The following HIVEP1 variants were observed in gnomAD, a reference collection of about 807,000 sequenced individuals.
HIVEP1 encodes the protein HIVEP zinc finger 1.
Under a neutral mutation model 180.0 loss-of-function variants are expected in HIVEP1, and 36 were observed. That is an observed-to-expected ratio of 0.20 (90% confidence interval 0.15 to 0.26). HIVEP1 has a LOEUF of 0.26. Ranked by LOEUF, HIVEP1 falls within the 10% of genes least tolerant of loss-of-function variation. The pLI is 1.00. For missense variants in HIVEP1, 3,143 were observed against 3,268.7 expected (o/e 0.96, Z 0.94); for synonymous variants, 1,239 against 1,239.0 (o/e 1.00, Z 0.00).
intron 2 of HIVEP1, among the ~76,000 whole-genome samples, chr6:12,019,209 G>A (rs1461357550): frequency 1.3e-5 from 2 of 152,136 alleles, no homozygotes; most frequent in Non-Finnish European, 1.5e-5. Context: ...AGCGGGGGAC[G>A]GGAGTGAAGC....
chr6:12,111,993 A>T (rs1184231009), intron 3 of HIVEP1, among the ~76,000 whole-genome samples: 3 of 152,192 alleles, frequency 2.0e-5, no homozygotes, highest in Non-Finnish European at 4.4e-5. Flanking sequence ...TAAAATTCTT[A>T]AAGTTCTTTT....
chr6:12,135,758 A>T, intron 6 of HIVEP1, 33 bp from the exon 7 acceptor site: 1 of 1,375,764 alleles, frequency 7.3e-7, no homozygotes, highest in Non-Finnish European at 1.0e-6. Context: ...AAATCATACT[A>T]CTTAAGCTTA....
intron 7 of HIVEP1, among the ~76,000 whole-genome samples, chr6:12,152,199 T>C (rs997783813): frequency 6.6e-6 from 1 of 152,114 alleles, no homozygotes; most frequent in Non-Finnish European, 1.5e-5. Flanking sequence ...AAAAAACCAG[T>C]TACTCAACAT....
At chr6:12,035,989 C>T (rs1561873699) in intron 2 of HIVEP1, among the ~76,000 whole-genome samples, 1 of 152,138 alleles carries the variant, frequency 6.6e-6, no homozygotes, top group South Asian at 2.1e-4. Flanking sequence ...ATGGAAACAT[C>T]GTTCTCTGTA....
chr6:12,083,739 T>C (rs549746061), intron 2 of HIVEP1, among the ~76,000 whole-genome samples: 1 of 152,304 alleles, frequency 6.6e-6, no homozygotes, highest in Admixed American at 6.5e-5. Flanking sequence ...TTTTGAAACA[T>C]TAAAGATAGA....
At position 12,122,652 on chromosome 6, in the gene HIVEP1, C is replaced by A; in HGVS notation, c.2857C>A (p.Gln953Lys). The A allele has an allele frequency of 6.2e-7, 1 of 1,614,078 alleles. No individual in the cohort carries two copies. The highest frequency in any genetic ancestry group is 2.2e-5 in the East Asian group (1 of 44,882). ...ACATATAGAAAAAAAGAAGTCTCATCAAGGGCGAGGGACAATGTTTGAGTG... is the reference window on the plus strand; with the variant it reads ...ACATATAGAAAAAAAGAAGTCTCATAAAGGGCGAGGGACAATGTTTGAGTG... ...GPHIEKKKSH[Q>K]GRGTMFECET... Residue 953 changes from glutamine to lysine, a missense_variant, in exon 4 of 9, where the codon CAA becomes AAA. By Grantham distance (53) the Gln-to-Lys change is moderately conservative. Transcript: ENST00000379388.
chr6:12,140,733 A>G (rs1193956596), intron 7 of HIVEP1, among the ~76,000 whole-genome samples: 1 of 152,242 alleles, frequency 6.6e-6, no homozygotes, highest in Non-Finnish European at 1.5e-5. Flanking sequence ...CACAAGCTTC[A>G]ATAGCTGATT....
intron 2 of HIVEP1, among the ~76,000 whole-genome samples, chr6:12,064,957 C>T (rs565832444): frequency 6.6e-6 from 1 of 152,284 alleles, no homozygotes; most frequent in African/African-American, 2.4e-5. Context: ...GTTTCTAGGG[C>T]TGTACACATA....
At chr6:12,014,124 A>C (rs1266701166) in intron 1 of HIVEP1, among the ~76,000 whole-genome samples, 1 of 152,204 alleles carries the variant, frequency 6.6e-6, no homozygotes, top group Non-Finnish European at 1.5e-5. Context: ...AATATTTCCT[A>C]ATTTTACAGT....
intron 7 of HIVEP1, among the ~76,000 whole-genome samples, chr6:12,158,922 T>C (rs963633447): frequency 3.6e-4 from 55 of 152,272 alleles, no homozygotes; most frequent in African/African-American, 1.3e-3. Context: ...AGCGGACACT[T>C]CTTACCCCAC....
chr6:12,155,666 G>A (rs219948), intron 7 of HIVEP1, among the ~76,000 whole-genome samples: 60,652 of 152,008 alleles, frequency 0.4, 12,734 homozygotes, highest in African/African-American at 0.54. Context: ...TCATTGATGG[G>A]CATTCAGGTT....
chr6:12,039,359 TTAAAG>T (rs1163289795), intron 2 of HIVEP1: 3 of 152,232 alleles, frequency 2.0e-5, no homozygotes, highest in African/African-American at 4.8e-5. Flanking sequence ...ACGTCATGAC[TTAAAG>T]TAAAGGACAA....
chr6:12,102,893 ATT>A (rs1415299759), intron 3 of HIVEP1, among the ~76,000 whole-genome samples: 1 of 152,024 alleles, frequency 6.6e-6, no homozygotes, highest in African/African-American at 2.4e-5. Flanking sequence ...TTATAAAATG[ATT>A]TTGTTTTTTT....
intron 7 of HIVEP1, among the ~76,000 whole-genome samples, chr6:12,137,407 CTGAT>C (rs1385244979): frequency 1.4e-4 from 21 of 152,300 alleles, no homozygotes; most frequent in African/African-American, 5.1e-4. Context: ...CATTTGCTGA[CTGAT>C]TGACCTACCT....
At chr6:12,036,195 A>G (rs1197875806) in intron 2 of HIVEP1, among the ~76,000 whole-genome samples, 2 of 152,246 alleles carry the variant, frequency 1.3e-5, no homozygotes, top group Admixed American at 1.3e-4. Context: ...AAGCAAAAAG[A>G]TATTTGTTCA....
At chr6:12,135,069 G>A (rs1200571243) in intron 6 of HIVEP1, among the ~76,000 whole-genome samples, 3 of 152,136 alleles carry the variant, frequency 2.0e-5, no homozygotes, top group Non-Finnish European at 2.9e-5. Flanking sequence ...TATGGGAATC[G>A]AGGCCAGATA....
Position 12,163,491 on chromosome 6 carries a change from A to G in HIVEP1, c.7187A>G (p.Tyr2396Cys), listed in dbSNP as rs201118758. The G allele has an allele frequency of 1.1e-4, 176 of 1,614,050 alleles. No individual in the cohort carries two copies. The highest frequency in any genetic ancestry group is 1.3e-4 in the Non-Finnish European group (155 of 1,180,032). ...TCCCAGCAGCAATCGAGGACACCTTATAATATGGTTCCAGTTGGGGGGATC... is the reference window on the plus strand; with the variant it reads ...TCCCAGCAGCAATCGAGGACACCTTGTAATATGGTTCCAGTTGGGGGGATC... Reference protein sequence around the residue: ...LHSQQQSRTPYNMVPVGGIHV... With the variant: ...LHSQQQSRTPCNMVPVGGIHV... The change falls in exon 9 of 9, where the codon TAT becomes TGT. Residue 2396 changes from tyrosine (Y) to cysteine (C), a missense_variant. Transcript: ENST00000379388.
At chr6:12,157,768 C>CT (rs1760147302) in intron 7 of HIVEP1, among the ~76,000 whole-genome samples, 1 of 150,574 alleles carries the variant, frequency 6.6e-6, no homozygotes, top group East Asian at 2.0e-4. Context: ...TTCCTTCTGC[C>CT]TGAGGAACTT....
chr6:12,089,280 G>A, intron 3 of HIVEP1, 43 bp downstream of exon 3: 2 of 1,122,974 alleles, frequency 1.8e-6, no homozygotes, highest in Non-Finnish European at 2.7e-6. Context: ...TTCTTGCAAT[G>A]ATGCCTATAC....
Sources: gnomAD v4.1 joint callset for allele counts (sites outside exome capture counted in the v4.1 genomes callset) on GRCh38, gnomAD v4.1.1 for gene constraint, MANE v1.5 for transcripts, NCBI Gene and HGNC (gene_info 2026-07-23, HGNC 2026-07-21) for gene names.